ADNP: variants seen among roughly 807,000 people sequenced by gnomAD.
ADNP encodes activity dependent neuroprotector homeobox.
Under a neutral mutation model 84.9 loss-of-function variants are expected in ADNP, and 4 were observed. That is an observed-to-expected ratio of 0.05 (90% CI 0.02 to 0.11). The LOEUF is 0.11. ADNP is among the 10% of genes least tolerant of loss of function. ADNP has a pLI of 1.00. For synonymous variants in ADNP, 554 were observed against 468.1 expected, an observed-to-expected ratio of 1.18 and a Z score of -2.37; for missense variants, 1,132 against 1,326.0, an observed-to-expected ratio of 0.85 and a Z score of 2.27.
rs536846307 is a variant in ADNP at position 50,891,222 on chromosome 20, C to G, written c.*183G>C. The G allele has an allele frequency of 1.5e-6, 2 of 1,347,442 alleles. No homozygotes were observed. Among genetic ancestry groups the G allele is most frequent in the Non-Finnish European group, 1.9e-6 (2 of 1,055,636 alleles). The allele number at this position is 1,347,442 out of a possible 1,614,324, so 83.5% of individuals were successfully genotyped here. ...GTTACCGTGTCTGTCAGAGAAGGTT[C>G]TGAAGCAAGAACAGCCTGTCCTGTC... On this transcript the variant is annotated 3_prime_UTR_variant, in exon 6 of 6. Transcript: ENST00000621696.
chr20:50,925,970 A>G (rs555883471), intron 2 of ADNP, among the ~76,000 whole-genome samples: 1 of 152,306 alleles, frequency 6.6e-6, no homozygotes, highest in African/African-American at 2.4e-5. Context: ...GCGTTGTGGC[A>G]GGCACCTGTA....
intron 2 of ADNP, among the ~76,000 whole-genome samples, chr20:50,919,287 A>AC (rs776823194): frequency 0.029 from 3,682 of 127,982 alleles, 108 homozygotes; most frequent in East Asian, 0.07. Flanking sequence ...ACATATATTT[A>AC]AGTGTATATA....
intron 5 of ADNP, among the ~76,000 whole-genome samples, chr20:50,899,724 T>TTG (rs1981769205): frequency 6.6e-6 from 1 of 152,012 alleles, no homozygotes. Flanking sequence ...ACCATTGATC[T>TTG]TGACCCTGTG....
At chr20:50,916,708 A>G (rs920469998) in intron 2 of ADNP, among the ~76,000 whole-genome samples, 1 of 152,216 alleles carries the variant, frequency 6.6e-6, no homozygotes, top group Non-Finnish European at 1.5e-5. Context: ...GACATAAAAA[A>G]TATTTTTAAA....
chr20:50,918,519 T>C (rs1309129099), intron 2 of ADNP, among the ~76,000 whole-genome samples: 1 of 152,142 alleles, frequency 6.6e-6, no homozygotes, highest in Non-Finnish European at 1.5e-5. Flanking sequence ...GGTAGAGTGT[T>C]CACGTTATTG....
At chr20:50,896,642 A>T (rs1232617912) in intron 5 of ADNP, among the ~76,000 whole-genome samples, 3 of 152,198 alleles carry the variant, frequency 2.0e-5, no homozygotes, top group Non-Finnish European at 2.9e-5. Context: ...GCCTACAGAG[A>T]GTCAGAATCA....
At chr20:50,922,577 C>CG (rs1984027004) in intron 2 of ADNP, among the ~76,000 whole-genome samples, 1 of 112,786 alleles carries the variant, frequency 8.9e-6, no homozygotes, top group African/African-American at 4.6e-5. Flanking sequence ...AGTCCTCCTG[C>CG]GTTTTTTTTT....
chr20:50,918,313 G>A (rs914915289), intron 2 of ADNP, among the ~76,000 whole-genome samples: 1 of 152,098 alleles, frequency 6.6e-6, no homozygotes, highest in Admixed American at 6.5e-5. Flanking sequence ...ACCAAAATGT[G>A]AATCTTAAGC....
chr20:50,903,750 A>C, intron 4 of ADNP, 139 bp downstream of exon 4: 1 of 651,866 alleles, frequency 1.5e-6, no homozygotes, highest in Non-Finnish European at 2.6e-6. Context: ...AGTTAATGCT[A>C]TTGAGAATGT....
At chr20:50,910,072 A>G (rs1982890065) in intron 2 of ADNP, among the ~76,000 whole-genome samples, 1 of 152,214 alleles carries the variant, frequency 6.6e-6, no homozygotes, top group Admixed American at 6.5e-5. Flanking sequence ...GGGCAGGCGG[A>G]CACAGAAGAG....
At chr20:50,900,810 A>G (rs1234526630) in intron 5 of ADNP, among the ~76,000 whole-genome samples, 1 of 152,216 alleles carries the variant, frequency 6.6e-6, no homozygotes, top group Non-Finnish European at 1.5e-5. Context: ...ACAGTGTAGT[A>G]TCAGATTCAG....
intron 4 of ADNP, among the ~76,000 whole-genome samples, chr20:50,902,550 C>G (rs761352705): frequency 2.0e-5 from 3 of 151,986 alleles, no homozygotes; most frequent in African/African-American, 7.3e-5. Context: ...GAGATCAGAT[C>G]AGGAAGAAAA....
intron 2 of ADNP, chr20:50,905,452 A>G (rs1429013988): frequency 6.6e-6 from 1 of 152,236 alleles, no homozygotes; most frequent in African/African-American, 2.4e-5. Context: ...CAAATGTAAT[A>G]AAATGCTGCC....
chr20:50,930,601 A>C (rs908477416), intron 1 of ADNP, among the ~76,000 whole-genome samples: 13 of 151,558 alleles, frequency 8.6e-5, no homozygotes, highest in East Asian at 5.9e-4. Flanking sequence ...CTGCAGGAGG[A>C]GGCGCCTGGA....
At chr20:50,930,111 A>G (rs1437960501) in intron 1 of ADNP, among the ~76,000 whole-genome samples, 1 of 151,168 alleles carries the variant, frequency 6.6e-6, no homozygotes, top group Non-Finnish European at 1.5e-5. Flanking sequence ...TCACAAAACT[A>G]CTCCCCATTC....
At chr20:50,923,935 A>C (rs1263305632) in intron 2 of ADNP, among the ~76,000 whole-genome samples, 2 of 152,218 alleles carry the variant, frequency 1.3e-5, no homozygotes, top group Non-Finnish European at 2.9e-5. Flanking sequence ...CTGTCAACCT[A>C]AATTTATAAT....
At chr20:50,916,338 A>G (rs1366527363) in intron 2 of ADNP, among the ~76,000 whole-genome samples, 2 of 152,208 alleles carry the variant, frequency 1.3e-5, no homozygotes, top group East Asian at 1.9e-4. Context: ...CTCATTCCAC[A>G]CTGGACAGCT....
Position 50,897,192 on chromosome 20 carries a change from C to T in ADNP, c.202-2680G>A, listed in dbSNP as rs573405111. The stretch of plus-strand genomic sequence containing the variant: ...CTGACCTCAGATGATCCACCAGCCT[C>T]GGCCTCCCAAAATGCTGGGATTACA... On this transcript the variant is annotated intron_variant, in intron 5 of 5. Coordinates refer to ENST00000621696, the MANE Select transcript of ADNP (RefSeq NM_001282531.3). Among the ~76,000 whole-genome samples, 167 of 152,236 alleles carry T rather than the reference C, an allele frequency of 1.1e-3. 1 individual carries two copies. Among genetic ancestry groups the T allele is most frequent in the South Asian group, 1.9e-3 (9 of 4,824 alleles).
In ADNP at chr20:50,892,058, ATTC is replaced by A. The variant is rs1293890533; in HGVS notation, c.2653_2655del (p.Glu885del). On this transcript the variant is annotated inframe_deletion, in exon 6 of 6. Coordinates refer to ENST00000621696, the MANE Select transcript of ADNP (RefSeq NM_001282531.3). The stretch of plus-strand genomic sequence containing the variant: ...TCAAAAGGGCTACCACTTTCATTGG[ATTC>A]TTCTTCCAAATTTTCAAAACTGTCT... 8 of 1,613,998 alleles carry A rather than the reference ATTC, an allele frequency of 5.0e-6. No homozygotes were observed. The East Asian group carries it at 6.7e-5, about 13-fold the overall frequency.
Sources: gnomAD v4.1 joint callset for allele counts (sites outside exome capture counted in the v4.1 genomes callset) on GRCh38, gnomAD v4.1.1 for gene constraint, MANE v1.5 for transcripts, NCBI Gene and HGNC (gene_info 2026-07-23, HGNC 2026-07-21) for gene names.